The following NPHP3 variants were observed in gnomAD, a reference collection of about 807,000 sequenced individuals.
NPHP3 encodes the protein nephrocystin-3.
Under a neutral mutation model 171.9 loss-of-function variants are expected in NPHP3, and 123 were observed. The ratio of observed to expected loss-of-function variants is 0.72; its 90% CI spans 0.62 to 0.83. The LOEUF (loss-of-function observed/expected upper bound fraction) is 0.83, where lower values mean the gene tolerates loss of function less well. NPHP3 is among the 40% of genes least tolerant of loss of function. The pLI is 0.00. For synonymous variants in NPHP3, 558 were observed against 579.2 expected (o/e 0.96, Z 0.52); for missense variants, 1,506 against 1,591.9 (o/e 0.95, Z 0.92).
rs746873186 is a variant in NPHP3 at position 132,687,230 on chromosome 3, A to T, written c.3126-4T>A. ...AAAATGTTCAGCTTGTTCATATCTTAAAAAAAAATTACAGTAAGTCAAACA... is the reference window on the plus strand; with the variant it reads ...AAAATGTTCAGCTTGTTCATATCTTTAAAAAAAATTACAGTAAGTCAAACA... On this transcript the variant is annotated splice_region_variant and splice_polypyrimidine_tract_variant and intron_variant, in intron 21 of 26. Coordinates refer to ENST00000337331, the MANE Select transcript of NPHP3 (RefSeq NM_153240.5). 3.2e-5 allele frequency: 38 copies of T among 1,169,968 alleles called. No individual in the cohort carries two copies. The highest frequency in any genetic ancestry group is 1.2e-4 in the East Asian group (5 of 41,678). 72.5% of individuals were successfully genotyped at this position (1,169,968 alleles called of 1,614,324 possible).
rs1283058889 is a variant in NPHP3 at position 132,706,195 on chromosome 3, T to TAA, written c.1276-383_1276-382dup. ...TAACATGGTGAAACCCCATCTCTAC[T>TAA]AAAAATACAAAAAATTAGCCGGGCG... On this transcript the variant is annotated intron_variant, in intron 7 of 26. Transcript: ENST00000337331. Among the ~76,000 whole-genome samples, 4 of 152,004 alleles carry TAA rather than the reference T, an allele frequency of 2.6e-5. No individual in the cohort carries two copies. In the East Asian group the frequency reaches 5.8e-4, roughly 22 times the overall value.
intron 9 of NPHP3, among the ~76,000 whole-genome samples, chr3:132,702,697 A>C (rs1236642035): frequency 6.6e-6 from 1 of 152,250 alleles, no homozygotes; most frequent in Non-Finnish European, 1.5e-5. Flanking sequence ...ATAGTTTTTC[A>C]ATCAATTTTT....
intron 4 of NPHP3, among the ~76,000 whole-genome samples, chr3:132,715,780 T>C (rs1940035114): frequency 6.6e-6 from 1 of 152,214 alleles, no homozygotes; most frequent in Non-Finnish European, 1.5e-5. Flanking sequence ...TGCACTGATA[T>C]TGAAATTCTG....
Position 132,699,901 on chromosome 3 carries a change from C to A in NPHP3, c.1887+17G>T, listed in dbSNP as rs1326268014. On this transcript the variant is annotated intron_variant, in intron 12 of 26. Transcript: ENST00000337331. Reference sequence around the variant, plus strand: ...TCTTTCTGAGCATATCAATAGGTAACAAATGGAAAACGGTACCTGAACTTG... The same window carrying A: ...TCTTTCTGAGCATATCAATAGGTAAAAAATGGAAAACGGTACCTGAACTTG... The A allele has an allele frequency of 1.9e-6, 3 of 1,613,670 alleles. No homozygotes were observed. Among genetic ancestry groups the A allele is most frequent in the Non-Finnish European group, 2.5e-6 (3 of 1,179,742 alleles).
chr3:132,694,924 C>T lies in NPHP3; in HGVS notation c.2213G>A (p.Cys738Tyr), dbSNP rs141772766. Residue 738 changes from cysteine (C) to tyrosine (Y), a missense_variant, in exon 16 of 27, where the codon TGT becomes TAT. Physicochemically the swap from Cys to Tyr is radical, Grantham distance 194 (BLOSUM62 -2). Around this residue, in one of 3 missense-constraint regions of NPHP3, gnomAD observed 930 missense variants for 924.9 expected, o/e 1.01. Transcript: ENST00000337331. ...AGNLDKILHQ[C>Y]FQCQDTLSLY... ...TGAAAGAGTATCTTGACACTGGAAA[C>T]ACTGATGAAGGATTTTATCTAAATT... The T allele has an allele frequency of 6.2e-7, 1 of 1,613,700 alleles. No homozygotes were observed. The highest frequency in any genetic ancestry group is 1.3e-5 in the African/African-American group (1 of 74,914).
In NPHP3 at chr3:132,720,516, T is replaced by C. The variant is rs531045400; in HGVS notation, c.394-686A>G. ...GATACATTGAATCAGATATTTGAAA[T>C]GCACTAGTCCATTTTATACATGCAA... On this transcript the variant is annotated intron_variant, in intron 1 of 26. Coordinates refer to ENST00000337331, the MANE Select transcript of NPHP3 (RefSeq NM_153240.5). Among the ~76,000 whole-genome samples, 5 of 152,282 alleles carry C rather than the reference T, an allele frequency of 3.3e-5. No homozygotes were observed. In the South Asian group the frequency reaches 8.3e-4, roughly 25 times the overall value.
intron 3 of NPHP3, 100 bp from the exon 4 acceptor site, chr3:132,717,009 A>C: frequency 1.6e-6 from 2 of 1,228,572 alleles, no homozygotes; most frequent in Non-Finnish European, 2.3e-6. Flanking sequence ...AAAAAATATG[A>C]AAATATTACA....
In NPHP3 at chr3:132,708,106, C is replaced by T. The variant is rs925941885; in HGVS notation, c.1270G>A (p.Ala424Thr). The change falls in exon 7 of 27, where the codon GCC becomes ACC. Residue 424 changes from alanine to threonine, a missense_variant. By Grantham distance (58) the Ala-to-Thr change is moderately conservative. Coordinates refer to ENST00000337331, the MANE Select transcript of NPHP3 (RefSeq NM_153240.5). ...QVSNLNKTSK[A>T]KIIDHSGDPA... ...AAAATGCCTATGAATTTTACCTTGG[C>T]TTTGCTGGTCTTGTTTAGATTAGAA... 6.2e-7 allele frequency: 1 copy of T among 1,614,142 alleles called. No individual in the cohort carries two copies. Among genetic ancestry groups the T allele is most frequent in the Non-Finnish European group, 8.5e-7 (1 of 1,180,008 alleles).
chr3:132,697,441 C>A, intron 13 of NPHP3, 79 bp from the exon 14 acceptor site: 1 of 940,418 alleles, frequency 1.1e-6, no homozygotes, highest in Non-Finnish European at 1.7e-6. Context: ...ATTTAAAATC[C>A]ACCACAGGAA....
chr3:132,689,174 T>G lies in NPHP3; in HGVS notation c.2783A>C (p.Gln928Pro), dbSNP rs751790371. The G allele has an allele frequency of 1.5e-5, 24 of 1,614,066 alleles. No homozygotes were observed. Among genetic ancestry groups the G allele is most frequent in the Non-Finnish European group, 2.0e-5 (24 of 1,180,012 alleles). Reference sequence around the variant, plus strand: ...CTCGCCTTCGCAGTTTTTCTCATACTGCTTCAATGAATCGAAGTATTCTGT... The same window carrying G: ...CTCGCCTTCGCAGTTTTTCTCATACGGCTTCAATGAATCGAAGTATTCTGT... ...MATEYFDSLK[Q>P]YEKNCEGEDN... Residue 928 changes from glutamine (Q) to proline (P), a missense_variant, in exon 20 of 27, where the codon CAG (glutamine) becomes CCG (proline). By Grantham distance (76) the Gln-to-Pro change is moderately conservative. Around this residue, in one of 3 missense-constraint regions of NPHP3, gnomAD observed 569 missense variants for 648.1 expected, o/e 0.88. Transcript: ENST00000337331.
chr3:132,687,149 A>G lies in NPHP3; in HGVS notation c.3201+2T>C, dbSNP rs1939183391. The G allele has an allele frequency of 7.1e-7, 1 of 1,415,562 alleles. No homozygotes were observed. The highest frequency in any genetic ancestry group is 1.4e-5 in the African/African-American group (1 of 71,128). The allele number at this position is 1,415,562 out of a possible 1,614,324, so 87.7% of individuals were successfully genotyped here. On this transcript the variant is annotated splice_donor_variant, in intron 22 of 26. Coordinates refer to ENST00000337331, the MANE Select transcript of NPHP3 (RefSeq NM_153240.5). LOFTEE classifies it high-confidence loss of function. The stretch of plus-strand genomic sequence containing the variant: ...CACAACACAAAAGAAATCTCTCCTT[A>G]CCAAGTTGCCTTTTTTCTTTATAGC...
chr3:132,691,195 A>T lies in NPHP3; in HGVS notation c.2567T>A (p.Leu856Gln). ...QKLINYFTLQLSQDRVTWRSA... is the reference protein window; with the variant it reads ...QKLINYFTLQQSQDRVTWRSA... Reference sequence around the variant, plus strand: ...ACAACAGGAACATTTACAATACCTTAGCTGCAAGGTGAAATAGTTGATTAG... The same window carrying T: ...ACAACAGGAACATTTACAATACCTTTGCTGCAAGGTGAAATAGTTGATTAG... Residue 856 changes from leucine (L) to glutamine (Q), a missense_variant, in exon 18 of 27, where the codon CTA (leucine) becomes CAA (glutamine). By Grantham distance (113) the Leu-to-Gln change is moderately radical (BLOSUM62 -2). Transcript: ENST00000337331. 1 of 1,608,572 alleles carries T rather than the reference A, an allele frequency of 6.2e-7. No individual in the cohort carries two copies. Among genetic ancestry groups the T allele is most frequent in the Non-Finnish European group, 8.5e-7 (1 of 1,175,122 alleles).
intron 1 of NPHP3, 82 bp from the exon 2 acceptor site, chr3:132,719,912 AT>A: frequency 3.8e-6 from 2 of 521,986 alleles, no homozygotes; most frequent in Non-Finnish European, 5.6e-6. Context: ...ACATATATAT[AT>A]ATATATGTTA....
intron 4 of NPHP3, among the ~76,000 whole-genome samples, chr3:132,716,007 T>A (rs1940040232): frequency 6.6e-6 from 1 of 152,222 alleles, no homozygotes; most frequent in South Asian, 2.1e-4. Context: ...AAATCAAGCT[T>A]CTCCAATCTG....
At chr3:132,716,646 A>G in intron 4 of NPHP3, 111 bp downstream of exon 4, 1 of 1,207,744 alleles carries the variant, frequency 8.3e-7, no homozygotes, top group Non-Finnish European at 1.2e-6. Context: ...GGAAAGCACT[A>G]GGAACACAAA....
Position 132,686,314 on chromosome 3 carries a change from T to A in NPHP3, c.3275A>T (p.Asn1092Ile). ...ELTLGKDTPD[N>I]ARTLNELGVL... is the part of the protein sequence containing the mutation. Reference sequence around the variant, plus strand: ...ACCCAGTTCATTGAGGGTCCGAGCATTATCAGGTGTGTCCTTACCTAATGT... The same window carrying A: ...ACCCAGTTCATTGAGGGTCCGAGCAATATCAGGTGTGTCCTTACCTAATGT... Residue 1092 changes from asparagine (N) to isoleucine (I), a missense_variant, in exon 23 of 27, where the codon AAT (asparagine) becomes ATT (isoleucine). Asn to Ile is a moderately radical substitution (Grantham distance 149). Transcript: ENST00000337331. The A allele has an allele frequency of 6.2e-7, 1 of 1,613,966 alleles. No homozygotes were observed. Among genetic ancestry groups the A allele is most frequent in the Non-Finnish European group, 8.5e-7 (1 of 1,179,832 alleles).
intron 6 of NPHP3, among the ~76,000 whole-genome samples, chr3:132,711,383 A>T (rs995128259): frequency 6.6e-6 from 1 of 152,174 alleles, no homozygotes; most frequent in African/African-American, 2.4e-5. Context: ...ATAAGAATAA[A>T]ATTTTTAAAA....
In NPHP3 at chr3:132,682,081, TC is replaced by T; in HGVS notation, c.3821del (p.Gly1274GlufsTer17). 1 of 1,613,762 alleles carries T rather than the reference TC, an allele frequency of 6.2e-7. No homozygotes were observed. Among genetic ancestry groups the T allele is most frequent in the South Asian group, 1.1e-5 (1 of 91,082 alleles). On this transcript the variant is annotated frameshift_variant, in exon 27 of 27. Coordinates refer to ENST00000337331, the MANE Select transcript of NPHP3 (RefSeq NM_153240.5). LOFTEE classifies it high-confidence loss of function. ...ATTCAGCAGCTTTTTCAAAATCTCC[TC>T]CTTCATAGCTTTGAGAGAGAAAACA... ...LKNLAVLSYE[G>X]GDFEKAAELY...
chr3:132,683,353 A>G lies in NPHP3; in HGVS notation c.3696+46T>C, dbSNP rs564216198. Reference sequence around the variant, plus strand: ...TAATTCATGTTTACCTATGTTTTATACCATAAAATCATTCACTGATACAAC... The same window carrying G: ...TAATTCATGTTTACCTATGTTTTATGCCATAAAATCATTCACTGATACAAC... On this transcript the variant is annotated intron_variant, in intron 25 of 26. Transcript: ENST00000337331. 17 of 1,548,696 alleles carry G rather than the reference A, an allele frequency of 1.1e-5. No individual in the cohort carries two copies. The South Asian group carries it at 1.7e-4, about 15-fold the overall frequency.
Sources: allele counts gnomAD v4.1 joint callset (sites outside exome capture counted in the v4.1 genomes callset), GRCh38; gene constraint gnomAD v4.1.1; regional missense constraint gnomAD v4.1.1; transcripts MANE v1.5; gene names NCBI Gene and HGNC (gene_info 2026-07-23, HGNC 2026-07-21).